The following CENPK variants were observed in gnomAD, a reference collection of about 807,000 sequenced individuals.
CENPK encodes SoxLZ/Sox6-binding protein Solt.
A neutral mutation model predicts 40.9 loss-of-function variants in CENPK; 46 were observed. That is an observed-to-expected ratio of 1.13 (90% CI 0.89 to 1.44). The LOEUF (loss-of-function observed/expected upper bound fraction) is 1.44. CENPK is among the 40% of genes most tolerant of loss of function. CENPK has a pLI of 0.00. For synonymous variants in CENPK, 107 were observed against 104.4 expected (o/e 1.02, Z -0.15); for missense variants, 288 against 303.5 (o/e 0.95, Z 0.38).
chr5:65,530,283 G>C (rs1173833394), intron 6 of CENPK, among the ~76,000 whole-genome samples: 2 of 151,828 alleles, frequency 1.3e-5, no homozygotes, highest in Non-Finnish European at 2.9e-5. Context: ...GTTTACTCCA[G>C]CAATGGTCAA....
chr5:65,516,952 TTTTTC>T (rs986143874), downstream of CENPK, among the ~76,000 whole-genome samples: 13 of 152,244 alleles, frequency 8.5e-5, no homozygotes, highest in Admixed American at 1.3e-4. Context: ...TTACTTTTTT[TTTTTC>T]TTTTGAGACG....
At chr5:65,527,582 A>G (rs2150367833) in intron 9 of CENPK, among the ~76,000 whole-genome samples, 2 of 137,378 alleles carry the variant, frequency 1.5e-5, no homozygotes, top group African/African-American at 5.5e-5. Flanking sequence ...CTGCCACTCA[A>G]TAAAATATTT....
chr5:65,517,620 T>C (rs1742971543), downstream of CENPK: 1 of 152,128 alleles, frequency 6.6e-6, no homozygotes, highest in Non-Finnish European at 1.5e-5. Context: ...AATAAACAAA[T>C]TTATCTTAGA....
chr5:65,499,051 G>A, the CENPK span, among the ~76,000 whole-genome samples: 2 of 151,216 alleles, frequency 1.3e-5, no homozygotes, highest in African/African-American at 2.4e-5. Flanking sequence ...TAGAGAATGA[G>A]GCCTCCCTTT....
At chr5:65,512,236 G>C in the CENPK span, among the ~76,000 whole-genome samples, 1 of 152,198 alleles carries the variant, frequency 6.6e-6, no homozygotes, top group African/African-American at 2.4e-5. Flanking sequence ...GAACATGGTT[G>C]AAATGACAAG....
intron 6 of CENPK, 181 bp from the exon 7 acceptor site, chr5:65,529,380 T>A: frequency 2.0e-6 from 1 of 496,444 alleles, no homozygotes; most frequent in South Asian, 3.6e-5. Context: ...GGTAATATTC[T>A]ATGGTTAAAT....
chr5:65,505,069 A>G, the CENPK span, among the ~76,000 whole-genome samples: 3 of 152,148 alleles, frequency 2.0e-5, no homozygotes, highest in Non-Finnish European at 4.4e-5. Flanking sequence ...CTGGGACTAC[A>G]GGTATGTCCC....
chr5:65,535,455 A>T (rs1200401439), intron 6 of CENPK, among the ~76,000 whole-genome samples: 1 of 152,082 alleles, frequency 6.6e-6, no homozygotes, highest in Non-Finnish European at 1.5e-5. Context: ...TTGATTAGAG[A>T]GTTTATGCTA....
Position 65,563,142 on chromosome 5 carries a change from A to G in CENPK, c.-186T>C. ...CCAGGTCGCCTAGGCGCTGCGCAGGAAGCGCTTGCCAGCCCCGGACTTCTG... is the reference window on the plus strand; with the variant it reads ...CCAGGTCGCCTAGGCGCTGCGCAGGGAGCGCTTGCCAGCCCCGGACTTCTG... On this transcript the variant is annotated 5_prime_UTR_variant, in exon 1 of 11. Transcript: ENST00000396679. 1.2e-6 allele frequency: 1 copy of G among 828,694 alleles called. No homozygotes were observed. The highest frequency in any genetic ancestry group is 1.8e-6 in the Non-Finnish European group (1 of 546,486). The allele number at this position is 828,694 out of a possible 1,614,324, so 51.3% of individuals were successfully genotyped here.
intron 10 of CENPK, among the ~76,000 whole-genome samples, chr5:65,521,151 A>G (rs1743663656): frequency 6.6e-6 from 1 of 152,114 alleles, no homozygotes; most frequent in African/African-American, 2.4e-5. Flanking sequence ...CTCTGTAAAT[A>G]CTAGATAACA....
At chr5:65,512,098 T>C in the CENPK span, among the ~76,000 whole-genome samples, 1 of 152,124 alleles carries the variant, frequency 6.6e-6, no homozygotes, top group Non-Finnish European at 1.5e-5. Flanking sequence ...GAACTAGAGG[T>C]GGACCCTGAA....
At chr5:65,516,402 T>C (rs1334864048), downstream of CENPK, among the ~76,000 whole-genome samples, 2 of 152,244 alleles carry the variant, frequency 1.3e-5, no homozygotes. Context: ...ACAATTCCAT[T>C]GTCTCTGCTC....
At chr5:65,554,358 G>A (rs780872762) in intron 3 of CENPK, among the ~76,000 whole-genome samples, 2 of 152,098 alleles carry the variant, frequency 1.3e-5, no homozygotes, top group Admixed American at 1.3e-4. Context: ...CACCATGTCG[G>A]CCAGGATGGT....
At chr5:65,540,810 T>G in intron 6 of CENPK, among the ~76,000 whole-genome samples, 1 of 25,312 alleles carries the variant, frequency 4.0e-5, no homozygotes, top group South Asian at 1.1e-3. Context: ...ACTGTATCCT[T>G]TTTTTTTTTT....
the CENPK span, among the ~76,000 whole-genome samples, chr5:65,496,716 C>CTT: frequency 1.3e-5 from 2 of 151,840 alleles, no homozygotes; most frequent in African/African-American, 4.8e-5. Flanking sequence ...TTATACTTTG[C>CTT]TGTTTGTTTT....
At chr5:65,513,567 A>C (rs1191188711), downstream of CENPK, among the ~76,000 whole-genome samples, 1 of 152,044 alleles carries the variant, frequency 6.6e-6, no homozygotes, top group Non-Finnish European at 1.5e-5. Flanking sequence ...TTTTGGTGCT[A>C]ATGTAAATGT....
intron 5 of CENPK, chr5:65,551,246 T>G (rs1749970211): frequency 5.6e-6 from 1 of 177,362 alleles, no homozygotes; most frequent in Non-Finnish European, 9.5e-6. Flanking sequence ...TGAGACCCTG[T>G]CTCAAAAAAA....
chr5:65,496,870 G>A, the CENPK span, among the ~76,000 whole-genome samples: 1 of 151,806 alleles, frequency 6.6e-6, no homozygotes. Flanking sequence ...TGGCCAAGAT[G>A]GTGAAACCCC....
At chr5:65,535,638 G>A (rs763119604) in intron 6 of CENPK, among the ~76,000 whole-genome samples, 2 of 152,106 alleles carry the variant, frequency 1.3e-5, no homozygotes, top group African/African-American at 2.4e-5. Context: ...AGAATTAAGC[G>A]CATCCACACA....
Sources: gnomAD v4.1 joint callset for allele counts (sites outside exome capture counted in the v4.1 genomes callset) on GRCh38, gnomAD v4.1.1 for gene constraint, MANE v1.5 for transcripts, NCBI Gene and HGNC (gene_info 2026-07-23, HGNC 2026-07-21) for gene names.